Variants in APBA2 observed in about 807,000 individuals in gnomAD.
APBA2 encodes the protein amyloid-beta A4 precursor protein-binding family A member 2.
A neutral mutation model predicts 75.0 loss-of-function variants in APBA2; 30 were observed. The ratio of observed to expected loss-of-function variants is 0.40; its 90% CI spans 0.30 to 0.54. The LOEUF is 0.54. Ranked by LOEUF, APBA2 falls within the 20% of genes least tolerant of loss-of-function variation. The pLI, the probability that APBA2 is intolerant of heterozygous loss-of-function variation, is 0.49. For missense variants in APBA2, 801 were observed against 1,016.1 expected (o/e 0.79, Z 2.88); for synonymous variants, 444 against 409.6 (o/e 1.08, Z -1.01).
intron 14 of APBA2, among the ~76,000 whole-genome samples, chr15:29,115,800 G>A (rs2045069822): frequency 6.6e-6 from 1 of 152,218 alleles, no homozygotes; most frequent in Non-Finnish European, 1.5e-5. Flanking sequence ...CACAGATCCC[G>A]GCGGGGGAGG....
chr15:29,050,781 T>C (rs1273900575), intron 3 of APBA2, among the ~76,000 whole-genome samples: 1 of 152,198 alleles, frequency 6.6e-6, no homozygotes, highest in Non-Finnish European at 1.5e-5. Context: ...TGACAGAGAT[T>C]TTGAAGTTAA....
At chr15:29,069,477 A>G (rs1470213040) in intron 4 of APBA2, among the ~76,000 whole-genome samples, 2 of 152,248 alleles carry the variant, frequency 1.3e-5, no homozygotes, top group Admixed American at 6.5e-5. Flanking sequence ...TTCACCAGCA[A>G]TGCATGAGGG....
At chr15:29,108,198 C>T in intron 12 of APBA2, 72 bp from the exon 13 acceptor site, 1 of 1,606,962 alleles carries the variant, frequency 6.2e-7, no homozygotes, top group South Asian at 1.1e-5. Flanking sequence ...ACCACCCTGC[C>T]AGCCTCGCTC....
chr15:29,072,208 G>C (rs2042654520), intron 4 of APBA2, among the ~76,000 whole-genome samples: 1 of 152,148 alleles, frequency 6.6e-6, no homozygotes, highest in South Asian at 2.1e-4. Flanking sequence ...GATTTCTTTG[G>C]GGTTTTTTTG....
At chr15:28,893,496 G>T (rs575537409) in intron 1 of APBA2, among the ~76,000 whole-genome samples, 2 of 152,232 alleles carry the variant, frequency 1.3e-5, no homozygotes, top group Non-Finnish European at 2.9e-5. Context: ...GAGCCCCTGA[G>T]GCAGGACTGA....
Position 29,023,441 on chromosome 15 carries a change from C to CTTTTTTT in APBA2, c.-41+27661_-41+27667dup, listed in dbSNP as rs10604525. Among the ~76,000 whole-genome samples the CTTTTTTT allele has an allele frequency of 5.4e-3, 393 of 73,320 alleles. 12 individuals carry two copies. The highest frequency in any genetic ancestry group is 8.0e-3 in the Non-Finnish European group (333 of 41,386). The allele number at this position is 73,320 out of a possible 152,430, so 48.1% of individuals were successfully genotyped here. ...ATTTGATGGCCATTATACCTTTTTCCTTTTTTTTTTTTTTTTTTTTTTTTT... is the reference window on the plus strand; with the variant it reads ...ATTTGATGGCCATTATACCTTTTTCCTTTTTTTTTTTTTTTTTTTTTTTTTTTTTTTT... On this transcript the variant is annotated intron_variant, in intron 3 of 14. Coordinates refer to ENST00000683413, the MANE Select transcript of APBA2 (RefSeq NM_001353788.2).
intron 12 of APBA2, 138 bp from the exon 13 acceptor site, chr15:29,108,132 G>T: frequency 4.7e-6 from 6 of 1,276,082 alleles, no homozygotes; most frequent in Non-Finnish European, 6.7e-6. Flanking sequence ...GGCTACCGAG[G>T]CTGAGAGGGG....
intron 2 of APBA2, among the ~76,000 whole-genome samples, chr15:28,984,965 C>T (rs556623697): frequency 3.3e-5 from 5 of 151,916 alleles, no homozygotes; most frequent in East Asian, 1.9e-4. Flanking sequence ...CAACCACTGC[C>T]GTCTCTGGAG....
In APBA2 at chr15:28,991,272, G is replaced by A. The variant is rs1270198798; in HGVS notation, c.-94-4481G>A. Among the ~76,000 whole-genome samples, 1 of 152,116 alleles carries A rather than the reference G, an allele frequency of 6.6e-6. No individual in the cohort carries two copies. Among genetic ancestry groups the A allele is most frequent in the Non-Finnish European group, 1.5e-5 (1 of 68,018 alleles). ...AAAACGTCTCTCCTGGTCTGGGGGC[G>A]CATCCATCCCCCATGTCCCCAGTCC... On this transcript the variant is annotated intron_variant, in intron 2 of 14. Transcript: ENST00000683413. This position sits in a 1 kb window ranked among gnomAD's most constrained non-coding sequence, Gnocchi z 4.7.
In APBA2 at chr15:29,106,716, C is replaced by T. The variant is rs767612508; in HGVS notation, c.1814C>T (p.Pro605Leu). Residue 605 changes from proline to leucine, a missense_variant, in exon 12 of 15, where the codon CCG becomes CTG. Coordinates refer to ENST00000683413, the MANE Select transcript of APBA2 (RefSeq NM_001353788.2). ...CTGGCCAACATGATGAATGGCGGCC[C>T]GGCTGCCCGCTCGGGGAAGCTGAGC... ...VILANMMNGG[P>L]AARSGKLSIG... The T allele has an allele frequency of 7.1e-5, 114 of 1,612,888 alleles. No homozygotes were observed. Among genetic ancestry groups the T allele is most frequent in the Non-Finnish European group, 8.1e-5 (95 of 1,180,024 alleles).
chr15:28,962,583 G>GTAA (rs959631299), intron 2 of APBA2, among the ~76,000 whole-genome samples: 1 of 151,640 alleles, frequency 6.6e-6, no homozygotes, highest in Non-Finnish European at 1.5e-5. Context: ...AATAATAATA[G>GTAA]TAATAATAAT....
At chr15:28,994,525 C>G (rs957035140) in intron 2 of APBA2, among the ~76,000 whole-genome samples, 1 of 152,150 alleles carries the variant, frequency 6.6e-6, no homozygotes, top group Non-Finnish European at 1.5e-5. Context: ...AAGCAGGTTA[C>G]GGCTCTGCAG....
chr15:29,053,078 G>T (rs1246774121), intron 3 of APBA2, among the ~76,000 whole-genome samples: 1 of 152,184 alleles, frequency 6.6e-6, no homozygotes, highest in Non-Finnish European at 1.5e-5. Flanking sequence ...GGGATAAAGT[G>T]CAGAGTCCTG....
intron 1 of APBA2, among the ~76,000 whole-genome samples, chr15:28,909,414 C>T (rs1365394015): frequency 6.6e-6 from 1 of 152,192 alleles, no homozygotes; most frequent in Non-Finnish European, 1.5e-5. Context: ...CCTCAAGGCC[C>T]ATCTGTGTTG....
Position 29,054,786 on chromosome 15 carries a change from A to G in APBA2, c.902A>G (p.Lys301Arg). 6.2e-7 allele frequency: 1 copy of G among 1,603,216 alleles called. No individual in the cohort carries two copies. Among genetic ancestry groups the G allele is most frequent in the Non-Finnish European group, 8.5e-7 (1 of 1,179,946 alleles). ...CCCGGAGACCCCCAGAGAGGCTTCA[A>G]GCCCAAGACCAGGACCCCAGAAGAG... ...KHPGDPQRGF[K>R]PKTRTPEERL... The change falls in exon 4 of 15, where the codon AAG (lysine) becomes AGG (arginine). Residue 301 changes from lysine to arginine, a missense_variant. By Grantham distance (26) the Lys-to-Arg change is conservative. Coordinates refer to ENST00000683413, the MANE Select transcript of APBA2 (RefSeq NM_001353788.2). This position sits in a 1 kb window ranked among gnomAD's most constrained non-coding sequence, Gnocchi z 6.1.
At chr15:28,925,399 TTTC>T (rs1566804175) in intron 2 of APBA2, among the ~76,000 whole-genome samples, 1 of 152,210 alleles carries the variant, frequency 6.6e-6, no homozygotes, top group Non-Finnish European at 1.5e-5. Context: ...TGAGGAAGTG[TTTC>T]TTCTTTTCCA....
intron 4 of APBA2, among the ~76,000 whole-genome samples, chr15:29,062,904 G>T (rs1298398114): frequency 1.3e-5 from 2 of 152,084 alleles, no homozygotes; most frequent in Non-Finnish European, 2.9e-5. Context: ...GGGGCTGTGG[G>T]GAGGGGAGTT....
At chr15:29,066,509 C>T (rs116830824) in intron 4 of APBA2, among the ~76,000 whole-genome samples, 2,033 of 152,136 alleles carry the variant, frequency 0.013, 39 homozygotes, top group African/African-American at 0.047. Flanking sequence ...TAGTCAGAGT[C>T]ATAGAAACAG....
intron 5 of APBA2, among the ~76,000 whole-genome samples, chr15:29,075,853 G>C (rs1422212611): frequency 6.6e-6 from 1 of 151,986 alleles, no homozygotes; most frequent in Non-Finnish European, 1.5e-5. Context: ...TTTAGATGAT[G>C]GGCTTTTGGG....
Sources: gnomAD v4.1 joint callset for allele counts (sites outside exome capture counted in the v4.1 genomes callset) on GRCh38, gnomAD v4.1.1 for gene constraint, Gnocchi (gnomAD v3.1) non-coding constraint, MANE v1.5 for transcripts, NCBI Gene and HGNC (gene_info 2026-07-23, HGNC 2026-07-21) for gene names.